The following STARD7 variants were observed in gnomAD, a reference collection of about 807,000 sequenced individuals.
STARD7 encodes the protein stAR-related lipid transfer protein 7, mitochondrial.
A neutral mutation model predicts 45.3 loss-of-function variants in STARD7; 30 were observed. That is an observed-to-expected ratio of 0.66 (90% confidence interval 0.50 to 0.90). The LOEUF (loss-of-function observed/expected upper bound fraction) is 0.90, where lower values mean the gene tolerates loss of function less well. Ranked by LOEUF, STARD7 falls within the 40% of genes least tolerant of loss-of-function variation. The pLI is 0.00. For missense variants in STARD7, 495 were observed against 491.3 expected (o/e 1.01, Z -0.07); for synonymous variants, 199 against 183.0 (o/e 1.09, Z -0.70).
intron 6 of STARD7, among the ~76,000 whole-genome samples, chr2:96,192,053 T>A (rs1053789531): frequency 6.6e-6 from 1 of 152,180 alleles, no homozygotes; most frequent in Non-Finnish European, 1.5e-5. Flanking sequence ...TAGTAAAATG[T>A]TGACAGGAGG....
chr2:96,186,941 G>A, intron 7 of STARD7, 27 bp from the exon 8 acceptor site: 3 of 1,594,366 alleles, frequency 1.9e-6, no homozygotes, highest in Non-Finnish European at 2.6e-6. Context: ...ATCAGGTTAA[G>A]CTGACATACA....
rs1363623282 is a variant in STARD7, at chr2:96,208,438, G to A, written c.-4C>T. On this transcript the variant is annotated 5_prime_UTR_variant, in exon 1 of 8. Transcript: ENST00000337288. ...CCAGCAGCCTCCGCGGGAGCATGCC[G>A]CCTCCCGCAGGGCCCGCCGCGAGCT... 1.0e-5 allele frequency: 14 copies of A among 1,367,614 alleles called. No individual in the cohort carries two copies. The highest frequency in any genetic ancestry group is 3.5e-5 in the South Asian group (2 of 56,618). The allele number at this position is 1,367,614 out of a possible 1,614,324, so 84.7% of individuals were successfully genotyped here.
At position 96,195,232 on chromosome 2, in the gene STARD7, C is replaced by T. The variant is rs138737067; in HGVS notation, c.499+109G>A. The stretch of plus-strand genomic sequence containing the variant: ...AAGAAAAACAATAAACAAAAAACTA[C>T]GGCAAATTTTCTGAGAAACAACCAG... On this transcript the variant is annotated intron_variant, in intron 2 of 7. Transcript: ENST00000337288. 9.0e-5 allele frequency: 95 copies of T among 1,053,194 alleles called. No homozygotes were observed. The African/African-American group carries it at 1.3e-3, about 14-fold the overall frequency. 65.2% of individuals were successfully genotyped at this position (1,053,194 alleles called of 1,614,324 possible). A position where few individuals can be genotyped will look rare whatever the true frequency, so the allele number is the denominator to read the frequency against.
intron 1 of STARD7, among the ~76,000 whole-genome samples, chr2:96,197,598 A>G (rs974468727): frequency 6.6e-6 from 1 of 152,214 alleles, no homozygotes. Flanking sequence ...TTCACATACC[A>G]TAAGATTCAT....
chr2:96,193,035 C>T, intron 5 of STARD7, 43 bp downstream of exon 5: 2 of 1,444,560 alleles, frequency 1.4e-6, no homozygotes, highest in Non-Finnish European at 1.9e-6. Flanking sequence ...ATGAAGGCCA[C>T]AGCTAAAGGA....
chr2:96,188,984 CTG>C (rs1683082132), intron 6 of STARD7, among the ~76,000 whole-genome samples: 1 of 151,862 alleles, frequency 6.6e-6, no homozygotes, highest in African/African-American at 2.4e-5. Flanking sequence ...AGGTCTCACT[CTG>C]TTGCACAGTC....
intron 6 of STARD7, among the ~76,000 whole-genome samples, chr2:96,188,321 G>A (rs906827503): frequency 1.4e-5 from 2 of 140,186 alleles, no homozygotes; most frequent in Admixed American, 7.5e-5. Flanking sequence ...TGTTGCCCAG[G>A]ATGGAGGGCA....
chr2:96,203,460 AAAGT>A lies in STARD7; in HGVS notation c.290+4681_290+4684del, dbSNP rs1683337008. ...CTGAAAGCAAACAAACCATGAAAAC[AAAGT>A]AAGTGAAACAACATTTGGTTCATCT... On this transcript the variant is annotated intron_variant, in intron 1 of 7. Transcript: ENST00000337288. Among the ~76,000 whole-genome samples the A allele has an allele frequency of 2.0e-5, 3 of 152,372 alleles. No homozygotes were observed. In the South Asian group the frequency reaches 6.2e-4, roughly 32 times the overall value.
At position 96,186,768 on chromosome 2, in the gene STARD7, C is replaced by T. The variant is rs1176153785; in HGVS notation, c.1075G>A (p.Glu359Lys). 5 of 1,613,606 alleles carry T rather than the reference C, an allele frequency of 3.1e-6. No individual in the cohort carries two copies. Among genetic ancestry groups the T allele is most frequent in the East Asian group, 4.5e-5 (2 of 44,870 alleles). ...ATSQSSERKN[E>K]GSCGPARIEY... ...ATCCGAGCAGGGCCACAGCTGCCCT[C>T]GTTCTTTCGCTCAGAGGACTGGCTG... The change falls in exon 8 of 8, where the codon GAG becomes AAG. Residue 359 changes from glutamate to lysine, a missense_variant. Transcript: ENST00000337288.
At position 96,194,912 on chromosome 2, in the gene STARD7, T is replaced by C. The variant is rs375623247; in HGVS notation, c.549+46A>G. ...AAATGATTCATGTAGACAGTAGCAA[T>C]TGATATGCTAGGAGGCTCCAAATCT... On this transcript the variant is annotated intron_variant, in intron 3 of 7. Coordinates refer to ENST00000337288, the MANE Select transcript of STARD7 (RefSeq NM_020151.4). 77 of 1,505,074 alleles carry C rather than the reference T, an allele frequency of 5.1e-5. No homozygotes were observed. In the African/African-American group the frequency reaches 5.9e-4, roughly 12 times the overall value. The allele number at this position is 1,505,074 out of a possible 1,614,324, so 93.2% of individuals were successfully genotyped here.
chr2:96,185,050 C>CACAA lies in STARD7; in HGVS notation c.*1679_*1680insTTGT, dbSNP rs1491538842. The CACAA allele has an allele frequency of 2.0e-5, 3 of 151,078 alleles. No homozygotes were observed. Among genetic ancestry groups the CACAA allele is most frequent in the Non-Finnish European group, 4.4e-5 (3 of 67,610 alleles). The allele number at this position is 151,078 out of a possible 1,614,324, so 9.4% of individuals were successfully genotyped here. The stretch of plus-strand genomic sequence containing the variant: ...GTGCATGTGTGTGCGCTCGCAGACG[C>CACAA]ACACACACACACACATATTCTCTCT... On this transcript the variant is annotated 3_prime_UTR_variant, in exon 8 of 8. Coordinates refer to ENST00000337288, the MANE Select transcript of STARD7 (RefSeq NM_020151.4).
At chr2:96,206,425 T>C (rs990405896) in intron 1 of STARD7, among the ~76,000 whole-genome samples, 14 of 152,136 alleles carry the variant, frequency 9.2e-5, no homozygotes, top group Non-Finnish European at 1.5e-4. Flanking sequence ...ACTGGAGATT[T>C]TCCTCTCAAA....
chr2:96,192,183 G>A (rs1383758705), intron 6 of STARD7, among the ~76,000 whole-genome samples, 186 bp downstream of exon 6: 1 of 152,088 alleles, frequency 6.6e-6, no homozygotes, highest in Admixed American at 6.6e-5. Context: ...TTGTCCTTGG[G>A]GAACTTCCAG....
chr2:96,194,837 T>C (rs1683178110), intron 3 of STARD7, 121 bp downstream of exon 3: 1 of 772,028 alleles, frequency 1.3e-6, no homozygotes, highest in Non-Finnish European at 2.2e-6. Context: ...GCAATGTGGA[T>C]GACAGGTAGA....
intron 6 of STARD7, among the ~76,000 whole-genome samples, 164 bp downstream of exon 6, chr2:96,192,204 TA>T (rs1683135276): frequency 6.6e-6 from 1 of 152,182 alleles, no homozygotes; most frequent in Non-Finnish European, 1.5e-5. Context: ...GTACATCACC[TA>T]CGTCAGGAGT....
chr2:96,197,095 A>AAACTAAACTAAACC (rs1558735851), intron 1 of STARD7, among the ~76,000 whole-genome samples: 1 of 139,186 alleles, frequency 7.2e-6, no homozygotes. Flanking sequence ...ATAAAATAAA[A>AAACTAAACTAAACC]TAAAATAAAA....
At chr2:96,203,166 T>C (rs1475201579) in intron 1 of STARD7, among the ~76,000 whole-genome samples, 1 of 152,220 alleles carries the variant, frequency 6.6e-6, no homozygotes, top group African/African-American at 2.4e-5. Context: ...CACAAAGTCA[T>C]TCACTAACAT....
At chr2:96,203,206 A>T (rs1158681935) in intron 1 of STARD7, among the ~76,000 whole-genome samples, 1 of 152,216 alleles carries the variant, frequency 6.6e-6, no homozygotes, top group Non-Finnish European at 1.5e-5. Flanking sequence ...ACCTCTCATG[A>T]CACATCTCTT....
At chr2:96,200,903 A>G (rs985122837) in intron 1 of STARD7, among the ~76,000 whole-genome samples, 1 of 152,300 alleles carries the variant, frequency 6.6e-6, no homozygotes, top group South Asian at 2.1e-4. Context: ...TGGCTGTCTT[A>G]TACACTCTAT....
Sources: gnomAD v4.1 joint callset for allele counts (sites outside exome capture counted in the v4.1 genomes callset) on GRCh38, gnomAD v4.1.1 for gene constraint, MANE v1.5 for transcripts, NCBI Gene and HGNC (gene_info 2026-07-23, HGNC 2026-07-21) for gene names.